METTL15: variants seen among roughly 807,000 people sequenced by gnomAD.
METTL15 encodes the protein methyltransferase 15, mitochondrial 12S rRNA N4-cytidine, also known as 12S rRNA N(4)-cytidine methyltransferase METTL15.
A neutral mutation model predicts 38.3 loss-of-function variants in METTL15; 34 were observed. The observed-to-expected ratio is 0.89, with a 90% CI of 0.68 to 1.18. The LOEUF is 1.18. Among genes scored for constraint, METTL15 ranks in the 50% most tolerant of loss-of-function variants. METTL15 has a pLI of 0.00. For synonymous variants in METTL15, 162 were observed against 170.9 expected (o/e 0.95, Z 0.41); for missense variants, 438 against 498.4 (o/e 0.88, Z 1.15).
intron 4 of METTL15, among the ~76,000 whole-genome samples, chr11:28,218,544 C>G (rs1470974565): frequency 6.6e-6 from 1 of 152,092 alleles, no homozygotes; most frequent in African/African-American, 2.4e-5. Flanking sequence ...ATTGAATACC[C>G]TTTATTTCCT....
At chr11:28,498,410 G>A (rs541235426) in intron 6 of METTL15, among the ~76,000 whole-genome samples, 2 of 152,118 alleles carry the variant, frequency 1.3e-5, no homozygotes, top group South Asian at 2.1e-4. Flanking sequence ...CGCCCACCTC[G>A]GCCTCCCAAA....
intron 3 of METTL15, among the ~76,000 whole-genome samples, chr11:28,130,476 C>G (rs892652924): frequency 6.6e-6 from 1 of 152,068 alleles, no homozygotes; most frequent in African/African-American, 2.4e-5. Context: ...ATAAGAAAGG[C>G]ATGCTGTTCA....
chr11:28,336,340 A>G (rs760310474), downstream of METTL15, among the ~76,000 whole-genome samples: 9 of 152,180 alleles, frequency 5.9e-5, no homozygotes, highest in Non-Finnish European at 1.2e-4. Flanking sequence ...CATATCAGTA[A>G]GTGGCCAACC....
rs569787560 is a variant in METTL15 at position 28,351,595 on chromosome 11, AGGTTGTATACAACTCCAT to A, written c.*190-493_*190-476del. 3.4e-3 allele frequency among the ~76,000 whole-genome samples: 516 copies of A among 152,346 alleles called. 2 individuals carry two copies. The highest frequency in any genetic ancestry group is 0.012 in the African/African-American group (506 of 41,582). On this transcript the variant is annotated intron_variant and NMD_transcript_variant, in intron 3 of 7. Coordinates refer to the METTL15 transcript ENST00000532947. ...AACCTTACTATACTATCCAAGTGAA[AGGTTGTATACAACTCCAT>A]GAGTCTGAACAGTTTGCTGCCTATG...
At chr11:28,368,143 C>CAAAAAAAAAAAA (rs1421370868) in intron 5 of METTL15, among the ~76,000 whole-genome samples, 2 of 87,038 alleles carry the variant, frequency 2.3e-5, no homozygotes, top group Non-Finnish European at 4.8e-5. Flanking sequence ...AAAAAAAAAA[C>CAAAAAAAAAAAA]AAAAAAAACA....
intron 4 of METTL15, among the ~76,000 whole-genome samples, chr11:28,248,547 G>A (rs1854607805): frequency 6.6e-6 from 1 of 151,928 alleles, no homozygotes; most frequent in South Asian, 2.1e-4. Context: ...TTATTCCATT[G>A]TATTAGCCTT....
intron 4 of METTL15, among the ~76,000 whole-genome samples, chr11:28,249,528 A>G (rs1046496583): frequency 6.6e-6 from 1 of 151,926 alleles, no homozygotes; most frequent in African/African-American, 2.4e-5. Flanking sequence ...CTTCTTAAAT[A>G]TTGTATTTTC....
intron 4 of METTL15, among the ~76,000 whole-genome samples, chr11:28,275,856 T>A (rs1855822269): frequency 6.6e-6 from 1 of 152,054 alleles, no homozygotes; most frequent in African/African-American, 2.4e-5. Flanking sequence ...CATATATTAA[T>A]CTCAGTATAC....
intron 5 of METTL15, among the ~76,000 whole-genome samples, chr11:28,396,455 CA>C (rs1189172173): frequency 6.6e-6 from 1 of 152,088 alleles, no homozygotes; most frequent in African/African-American, 2.4e-5. Flanking sequence ...CAATAACAGA[CA>C]GAGAGCCAAA....
chr11:28,121,200 T>G (rs150125418), intron 3 of METTL15, among the ~76,000 whole-genome samples: 9 of 152,322 alleles, frequency 5.9e-5, no homozygotes, highest in African/African-American at 2.2e-4. Flanking sequence ...TCTTCATTGT[T>G]ATTGATTGGA....
intron 5 of METTL15, among the ~76,000 whole-genome samples, chr11:28,372,214 C>A (rs555788647): frequency 2.8e-4 from 43 of 151,984 alleles, no homozygotes; most frequent in African/African-American, 8.2e-4. Context: ...AATACTTTTC[C>A]AGCACCTATT....
At chr11:28,327,077 T>C (rs967237243) in intron 6 of METTL15, among the ~76,000 whole-genome samples, 3 of 152,128 alleles carry the variant, frequency 2.0e-5, no homozygotes, top group African/African-American at 7.2e-5. Context: ...TTAACCTATC[T>C]AAAATAAGGG....
intron 3 of METTL15, among the ~76,000 whole-genome samples, chr11:28,132,264 A>G (rs1413845012): frequency 6.6e-6 from 1 of 152,140 alleles, no homozygotes; most frequent in Non-Finnish European, 1.5e-5. Context: ...TTAAAATGGA[A>G]TAGTATAATG....
intron 5 of METTL15, among the ~76,000 whole-genome samples, chr11:28,293,311 G>A (rs1383622164): frequency 6.6e-6 from 1 of 152,160 alleles, no homozygotes; most frequent in Non-Finnish European, 1.5e-5. Flanking sequence ...ATTAAACAGG[G>A]AATCCTTTCC....
In METTL15 at chr11:28,124,779, TAGCAGAAATATGAAA is replaced by T. The variant is rs1470775657; in HGVS notation, c.270+11176_270+11190del. Among the ~76,000 whole-genome samples, 3 of 152,222 alleles carry T rather than the reference TAGCAGAAATATGAAA, an allele frequency of 2.0e-5. No homozygotes were observed. In the East Asian group the frequency reaches 5.8e-4, roughly 29 times the overall value. ...GGCTTTAATATTACTCTTAACTTTG[TAGCAGAAATATGAAA>T]GAATTAAAATTGACCTCAGTTTTAT... is the stretch of plus-strand genomic sequence containing the variant. On this transcript the variant is annotated intron_variant, in intron 3 of 6. Coordinates refer to ENST00000407364, the MANE Select transcript of METTL15 (RefSeq NM_001113528.2).
At chr11:28,342,215 T>A (rs1482513385) in intron 3 of METTL15, among the ~76,000 whole-genome samples, 1 of 152,138 alleles carries the variant, frequency 6.6e-6, no homozygotes, top group Non-Finnish European at 1.5e-5. Flanking sequence ...GCCCTTCCCA[T>A]GATTTAGTTG....
At chr11:28,155,070 C>T (rs1199156640) in intron 3 of METTL15, among the ~76,000 whole-genome samples, 1 of 152,084 alleles carries the variant, frequency 6.6e-6, no homozygotes, top group Non-Finnish European at 1.5e-5. Context: ...ATTAAGAAAG[C>T]AGGTTAAAGG....
intron 3 of METTL15, among the ~76,000 whole-genome samples, chr11:28,120,947 C>A (rs1015821087): frequency 4.6e-5 from 7 of 152,142 alleles, no homozygotes; most frequent in African/African-American, 1.4e-4. Context: ...TGTCTCAACA[C>A]AGGCATTCAA....
chr11:28,413,857 G>A (rs974967974), intron 5 of METTL15, among the ~76,000 whole-genome samples: 13 of 152,090 alleles, frequency 8.5e-5, no homozygotes, highest in Admixed American at 2.6e-4. Context: ...ATTCTTTTCC[G>A]TGGTCCCTCT....
Sources: allele counts gnomAD v4.1 joint callset (sites outside exome capture counted in the v4.1 genomes callset), GRCh38; gene constraint gnomAD v4.1.1; transcripts MANE v1.5; gene names NCBI Gene and HGNC (gene_info 2026-07-23, HGNC 2026-07-21).